The following PDE4B variants were observed in gnomAD, a reference collection of about 807,000 sequenced individuals.
The protein encoded by PDE4B is 3',5'-cyclic-AMP phosphodiesterase 4B.
In PDE4B, 20 loss-of-function variants were observed where a neutral mutation model predicts 82.2. The ratio of observed to expected loss-of-function variants is 0.24; its 90% CI spans 0.17 to 0.35. The LOEUF is 0.35. PDE4B is among the 10% of genes least tolerant of loss of function. The pLI is 1.00. For synonymous variants in PDE4B, 320 were observed against 318.9 expected, an observed-to-expected ratio of 1.00 and a Z score of -0.04; for missense variants, 655 against 907.2, an observed-to-expected ratio of 0.72 and a Z score of 3.57.
chr1:66,160,639 G>A (rs1253871708), intron 3 of PDE4B, among the ~76,000 whole-genome samples: 2 of 152,100 alleles, frequency 1.3e-5, no homozygotes, highest in Non-Finnish European at 2.9e-5. Context: ...ATGTAGACAA[G>A]CATCTAATGT....
intron 3 of PDE4B, among the ~76,000 whole-genome samples, chr1:66,137,100 G>A (rs1444620211): frequency 6.6e-6 from 1 of 152,154 alleles, no homozygotes; most frequent in Admixed American, 6.6e-5. Context: ...CAGGAGATGT[G>A]GGGTCAATAT....
intron 1 of PDE4B, among the ~76,000 whole-genome samples, chr1:65,889,875 A>G (rs1377615464): frequency 6.6e-6 from 1 of 152,140 alleles, no homozygotes; most frequent in Non-Finnish European, 1.5e-5. Context: ...ATTGGTATAA[A>G]CAGTAAATGT....
chr1:65,823,269 G>T (rs919525054), intron 1 of PDE4B, among the ~76,000 whole-genome samples: 12 of 151,800 alleles, frequency 7.9e-5, no homozygotes, highest in Non-Finnish European at 1.6e-4. Flanking sequence ...GGTGGTGTGT[G>T]TCTGTAATCC....
At chr1:66,143,846 C>T (rs1054192543) in intron 3 of PDE4B, among the ~76,000 whole-genome samples, 7 of 152,204 alleles carry the variant, frequency 4.6e-5, no homozygotes, top group Non-Finnish European at 8.8e-5. Context: ...AATGGGCAGC[C>T]ATCTTGTAAC....
chr1:66,295,809 A>G (rs1657469970), intron 7 of PDE4B, among the ~76,000 whole-genome samples: 1 of 152,178 alleles, frequency 6.6e-6, no homozygotes, highest in East Asian at 1.9e-4. Flanking sequence ...TCTATGTACA[A>G]CTTTCCAGTT....
intron 7 of PDE4B, among the ~76,000 whole-genome samples, chr1:66,320,601 C>A (rs1183546289): frequency 6.6e-6 from 1 of 152,070 alleles, no homozygotes; most frequent in South Asian, 2.1e-4. Context: ...AATGCATAGC[C>A]CATCTGTTGA....
chr1:66,354,288 G>T, intron 8 of PDE4B: 1 of 529,568 alleles, frequency 1.9e-6, no homozygotes, highest in Non-Finnish European at 2.4e-6. Context: ...CAGAATTCTG[G>T]TCTGCAGTGG....
intron 3 of PDE4B, among the ~76,000 whole-genome samples, chr1:65,945,336 T>A (rs568840503): frequency 2.6e-4 from 39 of 152,010 alleles, no homozygotes; most frequent in Non-Finnish European, 4.4e-4. Context: ...TGCTGTAAAG[T>A]GATCTCTTGG....
chr1:66,221,364 A>T (rs1037242387), intron 3 of PDE4B, among the ~76,000 whole-genome samples: 3 of 152,166 alleles, frequency 2.0e-5, no homozygotes, highest in Non-Finnish European at 2.9e-5. Context: ...ATGTCAGCAG[A>T]CTTTATGTAA....
chr1:66,105,448 T>G (rs2101034281), intron 3 of PDE4B, among the ~76,000 whole-genome samples: 1 of 152,216 alleles, frequency 6.6e-6, no homozygotes, highest in South Asian at 2.1e-4. Context: ...CATATGAACT[T>G]TAAAGTAGTT....
rs550627125 is a variant in PDE4B at position 66,228,279 on chromosome 1, A to G, written c.282-19181A>G. ...TCTGAAGCCAGTTTCTCTGGAGTCA[A>G]TTCTTCTATCAGTAAAGATCCATTG... On this transcript the variant is annotated intron_variant, in intron 3 of 16. Transcript: ENST00000341517. Among the ~76,000 whole-genome samples the G allele has an allele frequency of 1.3e-4, 20 of 152,232 alleles. No homozygotes were observed. In the South Asian group the frequency reaches 3.5e-3, roughly 27 times the overall value.
intron 3 of PDE4B, among the ~76,000 whole-genome samples, chr1:66,032,845 G>A (rs535536530): frequency 2.7e-5 from 4 of 150,580 alleles, no homozygotes; most frequent in African/African-American, 7.3e-5. Flanking sequence ...TAGTGGAGAC[G>A]GGGTTTCACC....
At chr1:65,869,307 G>A (rs1646547006) in intron 1 of PDE4B, among the ~76,000 whole-genome samples, 1 of 152,162 alleles carries the variant, frequency 6.6e-6, no homozygotes, top group African/African-American at 2.4e-5. Context: ...TAGCTACCCT[G>A]TAAGTTCTTG....
chr1:66,326,207 A>G (rs1162041331), intron 7 of PDE4B, among the ~76,000 whole-genome samples: 2 of 152,220 alleles, frequency 1.3e-5, no homozygotes, highest in Non-Finnish European at 2.9e-5. Context: ...CTTCCCCTAG[A>G]TGGGACTATC....
At chr1:66,282,759 C>T (rs1175230800) in intron 7 of PDE4B, among the ~76,000 whole-genome samples, 5 of 152,096 alleles carry the variant, frequency 3.3e-5, no homozygotes, top group Non-Finnish European at 7.4e-5. Context: ...GTCTTTGAGT[C>T]TTAGAATTCA....
At chr1:66,064,757 C>T (rs1474020431) in intron 3 of PDE4B, among the ~76,000 whole-genome samples, 1 of 151,880 alleles carries the variant, frequency 6.6e-6, no homozygotes, top group Admixed American at 6.6e-5. Context: ...AATGCTATAT[C>T]TTATGTTTTA....
At chr1:66,068,942 T>C (rs1225585310) in intron 3 of PDE4B, among the ~76,000 whole-genome samples, 1 of 152,046 alleles carries the variant, frequency 6.6e-6, no homozygotes, top group East Asian at 1.9e-4. Flanking sequence ...TCACTTCGAA[T>C]TGAATTTTTT....
At chr1:66,267,881 C>G (rs1433085414) in intron 7 of PDE4B, among the ~76,000 whole-genome samples, 1 of 152,082 alleles carries the variant, frequency 6.6e-6, no homozygotes, top group African/African-American at 2.4e-5. Flanking sequence ...CAGATTTTTC[C>G]TGTTATTTTA....
intron 7 of PDE4B, among the ~76,000 whole-genome samples, chr1:66,310,783 A>G (rs1467313986): frequency 6.6e-6 from 1 of 152,182 alleles, no homozygotes; most frequent in East Asian, 1.9e-4. Context: ...TCAAGAGAGA[A>G]TGAGGTTCCT....
Sources: gnomAD v4.1 joint callset for allele counts (sites outside exome capture counted in the v4.1 genomes callset) on GRCh38, gnomAD v4.1.1 for gene constraint, MANE v1.5 for transcripts, NCBI Gene and HGNC (gene_info 2026-07-23, HGNC 2026-07-21) for gene names.